SNX32: variants seen among roughly 807,000 people sequenced by gnomAD.
SNX32 encodes sorting nexin 32.
In SNX32, 58 loss-of-function variants were observed where a neutral mutation model predicts 57.0. The observed-to-expected ratio is 1.02, with a 90% CI of 0.82 to 1.27. The LOEUF is 1.27. SNX32 is among the 50% of genes most tolerant of loss of function. The probability of loss-of-function intolerance (pLI) is 0.00; values close to 1 mark genes in which losing one functional copy is unlikely to be tolerated. For synonymous variants in SNX32, 262 were observed against 220.4 expected (o/e 1.19, Z -1.67); for missense variants, 589 against 541.2 (o/e 1.09, Z -0.88).
At chr11:65,848,897 C>T (rs1859076528) in intron 1 of SNX32, among the ~76,000 whole-genome samples, 2 of 152,002 alleles carry the variant, frequency 1.3e-5, no homozygotes, top group South Asian at 4.1e-4. Context: ...AATCTCAGCA[C>T]TTTGGGACGC....
In SNX32 at chr11:65,852,890, T is replaced by C; in HGVS notation, c.1090T>C (p.Ser364Pro). The change falls in exon 12 of 13, where the codon TCC (serine) becomes CCC (proline). Residue 364 changes from serine to proline, a missense_variant. Physicochemically the swap from Ser to Pro is moderately conservative, Grantham distance 74. Coordinates refer to ENST00000308342, the MANE Select transcript of SNX32 (RefSeq NM_152760.3). ...SAKQELMDFK[S>P]RRVSSFRKNL... ...CTCTCCAGAGCTCATGGACTTCAAGTCCCGCCGGGTCTCCTCTTTTCGAAA... is the reference window on the plus strand; with the variant it reads ...CTCTCCAGAGCTCATGGACTTCAAGCCCCGCCGGGTCTCCTCTTTTCGAAA... The C allele has an allele frequency of 6.2e-7, 1 of 1,614,060 alleles. No homozygotes were observed. The highest frequency in any genetic ancestry group is 8.5e-7 in the Non-Finnish European group (1 of 1,179,982).
intron 1 of SNX32, among the ~76,000 whole-genome samples, chr11:65,839,223 G>GTTTTTTTTGTTTTTTTT (rs755185237): frequency 1.3e-4 from 3 of 23,076 alleles, no homozygotes; most frequent in Non-Finnish European, 2.1e-4. Flanking sequence ...TAATTTTTTT[G>GTTTTTTTTGTTTTTTTT]TATTTTTTTT....
chr11:65,843,225 A>C (rs1324834665), intron 1 of SNX32, among the ~76,000 whole-genome samples: 148 of 142,936 alleles, frequency 1.0e-3, no homozygotes, highest in African/African-American at 3.8e-3. Context: ...CGTCTCAAAA[A>C]AAAAAAAAAA....
intron 1 of SNX32, among the ~76,000 whole-genome samples, chr11:65,839,860 T>C (rs1858792152): frequency 6.6e-6 from 1 of 151,804 alleles, no homozygotes; most frequent in Non-Finnish European, 1.5e-5. Flanking sequence ...AAATTCAGCA[T>C]ATAAACAGAT....
At chr11:65,846,915 G>A (rs1249776621) in intron 1 of SNX32, among the ~76,000 whole-genome samples, 14 of 151,216 alleles carry the variant, frequency 9.3e-5, no homozygotes, top group African/African-American at 3.2e-4. Flanking sequence ...CCCGGGAGGC[G>A]GAGGTTGTGG....
Position 65,850,190 on chromosome 11 carries a change from G to T in SNX32, c.293G>T (p.Arg98Met). The T allele has an allele frequency of 6.2e-7, 1 of 1,614,246 alleles. No individual in the cohort carries two copies. The highest frequency in any genetic ancestry group is 1.3e-5 in the African/African-American group (1 of 75,064). ...CCGAGGCCAGACTTTGAGGCTTCGA[G>T]GGAAAAGCTACAGAAATTGGGCGAG... ...APPRPDFEASREKLQKLGEGD... is the reference protein window; with the variant it reads ...APPRPDFEASMEKLQKLGEGD... The change falls in exon 4 of 13, where the codon AGG becomes ATG. Residue 98 changes from arginine (R) to methionine (M), a missense_variant. Physicochemically the swap from Arg to Met is moderately conservative, Grantham distance 91. Coordinates refer to ENST00000308342, the MANE Select transcript of SNX32 (RefSeq NM_152760.3).
chr11:65,835,166 A>C (rs1858632893), intron 1 of SNX32, among the ~76,000 whole-genome samples: 1 of 151,570 alleles, frequency 6.6e-6, no homozygotes, highest in Non-Finnish European at 1.5e-5. Flanking sequence ...GAGAAAGGAG[A>C]CTTGAGCAAG....
At position 65,851,646 on chromosome 11, in the gene SNX32, C is replaced by T; in HGVS notation, c.792C>T (p.Phe264=). Reference sequence around the variant, plus strand: ...CCTCCCTACTGCTTCCTAGGAGCTTCCTCAAATTGGCAGAGCTCTTTGAAC... The same window carrying T: ...CCTCCCTACTGCTTCCTAGGAGCTTTCTCAAATTGGCAGAGCTCTTTGAAC... The part of the protein sequence containing the change: ...TQEVNQLRTS[F]LKLAELFERL... Residue 264 remains phenylalanine, a synonymous_variant, in exon 9 of 13, where the codon TTC becomes TTT. Transcript: ENST00000308342. 1 of 1,614,152 alleles carries T rather than the reference C, an allele frequency of 6.2e-7. No homozygotes were observed. Among genetic ancestry groups the T allele is most frequent in the Non-Finnish European group, 8.5e-7 (1 of 1,180,010 alleles).
chr11:65,839,189 C>A (rs1313347273), intron 1 of SNX32, among the ~76,000 whole-genome samples: 3 of 144,950 alleles, frequency 2.1e-5, no homozygotes, highest in Non-Finnish European at 4.5e-5. Flanking sequence ...GCTGGGACTA[C>A]AGCTGTGCCC....
chr11:65,853,525 A>T lies in SNX32; in HGVS notation c.*190A>T. On this transcript the variant is annotated 3_prime_UTR_variant, in exon 13 of 13. Transcript: ENST00000308342. ...CCACAGGTGCCAGGCCCTGCAAGAC[A>T]CAGGGCAGCATGGGCATCATAACTG... The T allele has an allele frequency of 1.6e-6, 1 of 623,280 alleles. No homozygotes were observed. The highest frequency in any genetic ancestry group is 2.8e-5 in the East Asian group (1 of 36,188). The allele number at this position is 623,280 out of a possible 1,614,324, so 38.6% of individuals were successfully genotyped here.
At chr11:65,836,410 G>A (rs991664285) in intron 1 of SNX32, among the ~76,000 whole-genome samples, 1 of 152,046 alleles carries the variant, frequency 6.6e-6, no homozygotes. Flanking sequence ...CAGACGTGGT[G>A]GTGCGCACCT....
rs17854357 is a variant in SNX32 at position 65,834,089 on chromosome 11, G to C, written c.24G>C (p.Gly8=). Residue 8 remains glycine (G), a synonymous_variant, in exon 1 of 13, where the codon GGG becomes GGC. Transcript: ENST00000308342. ...CGATGGAGACGTATGCGGAGGTTGG[G>C]AAGGAGGGCAAGGTAGAGAAAGGAT... The part of the protein sequence containing the change: METYAEV[G]KEGKPSCASV... 0.15 allele frequency: 226,064 copies of C among 1,550,996 alleles called. 17,816 individuals carry two copies. The highest frequency in any genetic ancestry group is 0.16 in the Non-Finnish European group (188,678 of 1,146,582).
At chr11:65,839,389 C>T (rs1248693910) in intron 1 of SNX32, among the ~76,000 whole-genome samples, 1 of 147,076 alleles carries the variant, frequency 6.8e-6, no homozygotes, top group Non-Finnish European at 1.5e-5. Flanking sequence ...GCCACTACGC[C>T]CGGCTAATTT....
At position 65,850,532 on chromosome 11, in the gene SNX32, T is replaced by G; in HGVS notation, c.476T>G (p.Val159Gly). ...CTGCGTCGAGACCACAACTTCTTTG[T>G]GTTTTTGGAATATGGACAGGATGTG... ...PTLRRDHNFF[V>G]FLEYGQDLSV... The change falls in exon 5 of 13, where the codon GTG (valine) becomes GGG (glycine). Residue 159 changes from valine (V) to glycine (G), a missense_variant. By Grantham distance (109) the Val-to-Gly change is moderately radical. Transcript: ENST00000308342. 1 of 1,612,064 alleles carries G rather than the reference T, an allele frequency of 6.2e-7. No individual in the cohort carries two copies. Among genetic ancestry groups the G allele is most frequent in the South Asian group, 1.1e-5 (1 of 90,798 alleles).
At chr11:65,849,662 C>A in intron 2 of SNX32, 80 bp downstream of exon 2, 2 of 1,268,070 alleles carry the variant, frequency 1.6e-6, no homozygotes, top group South Asian at 1.2e-5. Flanking sequence ...AGGCATGTGC[C>A]AACACAGCCT....
Position 65,842,083 on chromosome 11 carries a change from A to T in SNX32, c.37-7395A>T, listed in dbSNP as rs563912420. On this transcript the variant is annotated intron_variant, in intron 1 of 12. Coordinates refer to ENST00000308342, the MANE Select transcript of SNX32 (RefSeq NM_152760.3). Reference sequence around the variant, plus strand: ...AGCCAAAATTATTTTGAAAAGAAAGAATAAAGTTGGAGGCTTTGCACTATC... The same window carrying T: ...AGCCAAAATTATTTTGAAAAGAAAGTATAAAGTTGGAGGCTTTGCACTATC... Among the ~76,000 whole-genome samples, 10 of 152,316 alleles carry T rather than the reference A, an allele frequency of 6.6e-5. No homozygotes were observed. The South Asian group carries it at 2.1e-3, about 32-fold the overall frequency.
intron 1 of SNX32, among the ~76,000 whole-genome samples, chr11:65,839,732 CAA>C (rs139892606): frequency 2.1e-3 from 249 of 120,428 alleles, no homozygotes; most frequent in East Asian, 4.4e-3. Context: ...GACCCTGTCC[CAA>C]AAAAAAAAAA....
At position 65,847,108 on chromosome 11, in the gene SNX32, A is replaced by G. The variant is rs555756599; in HGVS notation, c.37-2370A>G. ...CTGCAGCCTGCACCTCCCAAGCTCA[A>G]TCTTCCCACCTCAGCCCCCCCCAAG... On this transcript the variant is annotated intron_variant, in intron 1 of 12. Coordinates refer to ENST00000308342, the MANE Select transcript of SNX32 (RefSeq NM_152760.3). Among the ~76,000 whole-genome samples, 3 of 151,788 alleles carry G rather than the reference A, an allele frequency of 2.0e-5. No homozygotes were observed. The South Asian group carries it at 6.3e-4, about 32-fold the overall frequency.
intron 1 of SNX32, among the ~76,000 whole-genome samples, chr11:65,834,906 CTG>C (rs1858622099): frequency 6.8e-6 from 1 of 147,072 alleles, no homozygotes; most frequent in Non-Finnish European, 1.5e-5. Flanking sequence ...CTTTGTATAT[CTG>C]TGTGTGTCTA....
Sources: gnomAD v4.1 joint callset for allele counts (sites outside exome capture counted in the v4.1 genomes callset) on GRCh38, gnomAD v4.1.1 for gene constraint, MANE v1.5 for transcripts, NCBI Gene and HGNC (gene_info 2026-07-23, HGNC 2026-07-21) for gene names.